TMEM45A: variants seen among roughly 807,000 people sequenced by gnomAD.
The protein encoded by TMEM45A is DNA polymerase-transactivated protein 4.
A neutral mutation model predicts 32.0 loss-of-function variants in TMEM45A; 25 were observed. That is an observed-to-expected ratio of 0.78 (90% CI 0.57 to 1.09). The LOEUF is 1.09. TMEM45A is among the 50% of genes least tolerant of loss of function. The pLI, the probability that TMEM45A is intolerant of heterozygous loss-of-function variation, is 0.00. For missense variants in TMEM45A, 302 were observed against 325.0 expected (o/e 0.93, Z 0.54); for synonymous variants, 122 against 114.8 (o/e 1.06, Z -0.40).
At chr3:100,532,269 A>C (rs1705660874) in intron 1 of TMEM45A, among the ~76,000 whole-genome samples, 1 of 152,204 alleles carries the variant, frequency 6.6e-6, no homozygotes, top group Non-Finnish European at 1.5e-5. Context: ...GTTAAACCAG[A>C]GAACAGAAGC....
chr3:100,530,608 C>A (rs889503937), intron 1 of TMEM45A, among the ~76,000 whole-genome samples: 6 of 152,122 alleles, frequency 3.9e-5, no homozygotes, highest in South Asian at 2.1e-4. Context: ...AATTTTGAAG[C>A]TAATCCAACT....
At chr3:100,576,625 A>G (rs1218823153) in intron 5 of TMEM45A, among the ~76,000 whole-genome samples, 1 of 152,138 alleles carries the variant, frequency 6.6e-6, no homozygotes, top group East Asian at 1.9e-4. Flanking sequence ...GTCTCATAAA[A>G]AAAAATAGAA....
intron 1 of TMEM45A, among the ~76,000 whole-genome samples, chr3:100,536,324 C>A (rs1705738676): frequency 2.0e-5 from 3 of 152,052 alleles, no homozygotes; most frequent in Non-Finnish European, 4.4e-5. Context: ...TCTAGGTGGC[C>A]CATGAGAGTC....
Position 100,542,827 on chromosome 3 carries a change from T to C in TMEM45A, c.-3-12382T>C, listed in dbSNP as rs553712552. ...CATGTTGTCACTTATAAGTGGGAGC[T>C]AAACATTGGTAATACATGGGCATAC... On this transcript the variant is annotated intron_variant, in intron 1 of 5. Transcript: ENST00000323523. Among the ~76,000 whole-genome samples the C allele has an allele frequency of 2.7e-4, 41 of 152,196 alleles. No individual in the cohort carries two copies. The South Asian group carries it at 4.4e-3, about 16-fold the overall frequency.
In TMEM45A at chr3:100,556,817, A is replaced by T. The variant is rs1706231454; in HGVS notation, c.248A>T (p.Lys83Ile). ...GGPHLMLYDY[K>I]QGHWNQLLGW... ...CCCCATCTGATGTTATATGACTATAAACAAGGTCACTGGAATCAACTCCTG... is the reference window on the plus strand; with the variant it reads ...CCCCATCTGATGTTATATGACTATATACAAGGTCACTGGAATCAACTCCTG... Residue 83 changes from lysine (K) to isoleucine (I), a missense_variant, in exon 3 of 6, where the codon AAA becomes ATA. Lys to Ile is a moderately radical substitution (Grantham distance 102). Coordinates refer to ENST00000323523, the MANE Select transcript of TMEM45A (RefSeq NM_018004.3). 6 of 1,614,012 alleles carry T rather than the reference A, an allele frequency of 3.7e-6. No homozygotes were observed. Among genetic ancestry groups the T allele is most frequent in the Non-Finnish European group, 5.1e-6 (6 of 1,180,028 alleles).
intron 1 of TMEM45A, among the ~76,000 whole-genome samples, chr3:100,536,089 G>A (rs1705735094): frequency 1.3e-5 from 2 of 152,104 alleles, no homozygotes; most frequent in African/African-American, 4.8e-5. Flanking sequence ...TAGGGGGAAG[G>A]TACTGCCAGC....
intron 1 of TMEM45A, among the ~76,000 whole-genome samples, chr3:100,528,039 G>A (rs1330520910): frequency 2.6e-5 from 4 of 152,138 alleles, no homozygotes; most frequent in African/African-American, 7.2e-5. Context: ...TAAACAACAC[G>A]TGCACTATAT....
chr3:100,529,447 G>A (rs968097275), intron 1 of TMEM45A, among the ~76,000 whole-genome samples: 3 of 152,128 alleles, frequency 2.0e-5, no homozygotes, highest in African/African-American at 7.2e-5. Context: ...AGTGTGGGAG[G>A]CCATGCTGCA....
At chr3:100,553,931 G>A (rs1288677002) in intron 1 of TMEM45A, among the ~76,000 whole-genome samples, 1 of 152,108 alleles carries the variant, frequency 6.6e-6, no homozygotes, top group Non-Finnish European at 1.5e-5. Context: ...TTTCACAGTT[G>A]TATCAGAGGG....
At chr3:100,530,967 T>G (rs1326066707) in intron 1 of TMEM45A, among the ~76,000 whole-genome samples, 2 of 152,214 alleles carry the variant, frequency 1.3e-5, no homozygotes, top group Non-Finnish European at 2.9e-5. Flanking sequence ...CATAAATTAG[T>G]AATTATATAA....
intron 5 of TMEM45A, 141 bp downstream of exon 5, chr3:100,569,108 C>A: frequency 1.1e-6 from 1 of 869,984 alleles, no homozygotes; most frequent in Non-Finnish European, 1.7e-6. Flanking sequence ...AGAACATTAT[C>A]TGCAAACACA....
At chr3:100,526,944 A>G (rs1705556030) in intron 1 of TMEM45A, among the ~76,000 whole-genome samples, 1 of 152,198 alleles carries the variant, frequency 6.6e-6, no homozygotes, top group Admixed American at 6.5e-5. Flanking sequence ...ATGTTTCTGA[A>G]TTTTTTGGAT....
intron 1 of TMEM45A, among the ~76,000 whole-genome samples, chr3:100,545,850 C>T (rs1296205612): frequency 6.6e-6 from 1 of 152,146 alleles, no homozygotes; most frequent in East Asian, 1.9e-4. Context: ...GAACAGTGTT[C>T]CTACCTGCCT....
intron 1 of TMEM45A, among the ~76,000 whole-genome samples, chr3:100,502,984 T>TTCCTCCTTCTCCTCC (rs1213040674): frequency 2.7e-5 from 4 of 150,906 alleles, no homozygotes; most frequent in South Asian, 2.1e-4. Context: ...CCTTCTCCTC[T>TTCCTCCTTCTCCTCC]TCCTCCTTCT....
intron 1 of TMEM45A, among the ~76,000 whole-genome samples, chr3:100,535,714 T>A (rs1705728637): frequency 1.3e-5 from 2 of 152,192 alleles, no homozygotes; most frequent in African/African-American, 4.8e-5. Flanking sequence ...TAATACTAAG[T>A]CTCTTTATCC....
intron 1 of TMEM45A, among the ~76,000 whole-genome samples, chr3:100,499,825 G>C (rs9874305): frequency 0.014 from 2,194 of 152,290 alleles, 48 homozygotes; most frequent in African/African-American, 0.05. Context: ...ACCGTGAGCC[G>C]AGATTGTGCC....
At chr3:100,542,057 T>C (rs750729396) in intron 1 of TMEM45A, among the ~76,000 whole-genome samples, 4 of 152,232 alleles carry the variant, frequency 2.6e-5, no homozygotes, top group Non-Finnish European at 5.9e-5. Context: ...TGTAGTCTTA[T>C]AGTAAAGTTT....
chr3:100,524,991 C>T (rs1221613227), intron 1 of TMEM45A, among the ~76,000 whole-genome samples: 1 of 151,948 alleles, frequency 6.6e-6, no homozygotes, highest in Non-Finnish European at 1.5e-5. Context: ...GAGTTGGAGA[C>T]AAGTCTGGGC....
rs1559649738 is a variant in TMEM45A at position 100,555,419 on chromosome 3, T to A, written c.190+18T>A. ...TTTAACTGGTGAGTGGACCATTCTG[T>A]GTTCTATTTTTACCTTTTAGGTGTT... is the stretch of plus-strand genomic sequence containing the variant. On this transcript the variant is annotated intron_variant, in intron 2 of 5. Coordinates refer to ENST00000323523, the MANE Select transcript of TMEM45A (RefSeq NM_018004.3). 1 of 1,594,878 alleles carries A rather than the reference T, an allele frequency of 6.3e-7. No homozygotes were observed. Among genetic ancestry groups the A allele is most frequent in the Non-Finnish European group, 8.5e-7 (1 of 1,170,832 alleles).
Sources: gnomAD v4.1 joint callset for allele counts (sites outside exome capture counted in the v4.1 genomes callset) on GRCh38, gnomAD v4.1.1 for gene constraint, MANE v1.5 for transcripts, NCBI Gene and HGNC (gene_info 2026-07-23, HGNC 2026-07-21) for gene names.